The following NBPF11 variants were observed in gnomAD, a reference collection of about 807,000 sequenced individuals.
The protein encoded by NBPF11 is NBPF family member NBPF11.
NBPF11 carries 72 observed loss-of-function variants against 93.9 expected under a neutral mutation model. The ratio of observed to expected loss-of-function variants is 0.77; its 90% confidence interval spans 0.63 to 0.93. NBPF11 has a LOEUF of 0.93. NBPF11 is among the 40% of genes least tolerant of loss of function. The probability of loss-of-function intolerance (pLI) is 0.00; values close to 1 mark genes in which losing one functional copy is unlikely to be tolerated. For missense variants in NBPF11, 705 were observed against 802.2 expected, an observed-to-expected ratio of 0.88 and a Z score of 1.46; for synonymous variants, 224 against 304.9, an observed-to-expected ratio of 0.73 and a Z score of 2.76.
intron 1 of NBPF11, chr1:148,149,087 C>T (rs1361655008): frequency 2.2e-6 from 3 of 1,355,686 alleles, no homozygotes; most frequent in Admixed American, 4.3e-5. Flanking sequence ...CGGAGCTGGG[C>T]CCGGGGACGC....
chr1:148,119,714 G>T (rs1330815400), intron 10 of NBPF11, among the ~76,000 whole-genome samples: 1 of 151,796 alleles, frequency 6.6e-6, no homozygotes, highest in South Asian at 2.1e-4. Context: ...GGAGTGCAAC[G>T]GCAAAATCTT....
chr1:148,103,668 C>A lies in NBPF11; in HGVS notation c.*228G>T. On this transcript the variant is annotated 3_prime_UTR_variant, in exon 24 of 24. Coordinates refer to ENST00000682118, the MANE Select transcript of NBPF11 (RefSeq NM_001385469.3). ...ACACCTCTCGGCTTAGTAAGGGCTG[C>A]TTATTGTGGGAATATGACTCCCATC... 1.2e-6 allele frequency: 2 copies of A among 1,611,184 alleles called. No homozygotes were observed. The highest frequency in any genetic ancestry group is 1.7e-6 in the Non-Finnish European group (2 of 1,179,258).
intron 1 of NBPF11, among the ~76,000 whole-genome samples, chr1:148,147,331 C>T (rs1339696031): frequency 0.012 from 1,892 of 152,114 alleles, 65 homozygotes; most frequent in African/African-American, 0.044. Context: ...CATCCAGGTC[C>T]GGAGGACTGG....
intron 1 of NBPF11, among the ~76,000 whole-genome samples, chr1:148,145,807 G>A (rs1672902757): frequency 6.6e-6 from 1 of 150,986 alleles, no homozygotes; most frequent in Non-Finnish European, 1.5e-5. Context: ...TGAGCCTTGG[G>A]AGGTCGAGGT....
At chr1:148,107,575 A>T (rs1664027497) in intron 19 of NBPF11, 136 bp downstream of exon 19, 1 of 1,080,578 alleles carries the variant, frequency 9.3e-7, no homozygotes, top group South Asian at 1.2e-5. Flanking sequence ...TACTGCAATG[A>T]AAACCAACAG....
intron 8 of NBPF11, 141 bp from the exon 9 acceptor site, chr1:148,122,407 G>T (rs1402997755): frequency 6.4e-6 from 9 of 1,404,918 alleles, no homozygotes; most frequent in African/African-American, 1.4e-5. Flanking sequence ...AGAGGGAACA[G>T]GCAATCCTCT....
chr1:148,111,985 C>G (rs1665394216), intron 15 of NBPF11, among the ~76,000 whole-genome samples: 1 of 149,922 alleles, frequency 6.7e-6, no homozygotes, highest in Non-Finnish European at 1.5e-5. Flanking sequence ...GGAAAAAATG[C>G]TAAGGGCAGC....
In NBPF11 at chr1:148,121,083, C is replaced by T. The variant is rs1344153367; in HGVS notation, c.779-373G>A. Among the ~76,000 whole-genome samples the T allele has an allele frequency of 3.0e-3, 458 of 151,842 alleles. 1 individual carries two copies. Among genetic ancestry groups the T allele is most frequent in the Non-Finnish European group, 5.2e-3 (357 of 68,014 alleles). On this transcript the variant is annotated intron_variant, in intron 9 of 23. Coordinates refer to ENST00000682118, the MANE Select transcript of NBPF11 (RefSeq NM_001385469.3). ...TGTTTGAGACGGAGTCTCACTCTGT[C>T]GCGCAGGCTGCAGTGCAGAGGCACA...
chr1:148,134,181 T>C (rs1354616619), intron 4 of NBPF11, among the ~76,000 whole-genome samples: 2 of 151,516 alleles, frequency 1.3e-5, no homozygotes, highest in Non-Finnish European at 2.9e-5. Context: ...GTGAGGAGAA[T>C]GCCTCTGGGT....
intron 1 of NBPF11, among the ~76,000 whole-genome samples, chr1:148,147,175 G>A (rs1305732172): frequency 6.6e-6 from 1 of 152,166 alleles, no homozygotes; most frequent in Admixed American, 6.5e-5. Flanking sequence ...CCCCTGGCCT[G>A]AGGATGGGAA....
At chr1:148,127,856 C>G (rs1225758605) in intron 4 of NBPF11, among the ~76,000 whole-genome samples, 1 of 151,482 alleles carries the variant, frequency 6.6e-6, no homozygotes, top group Non-Finnish European at 1.5e-5. Flanking sequence ...CGGGGTTTCA[C>G]TGTGTTAGCC....
rs1293094750 is a variant in NBPF11 at position 148,109,351 on chromosome 1, G to C, written c.1802-16C>G. ...CACCGATGTCCTGCAAATAAATTCA[G>C]ATGGGGCCTCTTACATTAAGCAGTT... On this transcript the variant is annotated splice_polypyrimidine_tract_variant and intron_variant, in intron 16 of 23. Transcript: ENST00000682118. 1.9e-6 allele frequency: 2 copies of C among 1,041,298 alleles called. No homozygotes were observed. The highest frequency in any genetic ancestry group is 3.4e-5 in the Admixed American group (2 of 59,330). The allele number at this position is 1,041,298 out of a possible 1,614,324, so 64.5% of individuals were successfully genotyped here. A position where few individuals can be genotyped will look rare whatever the true frequency, so the allele number is the denominator to read the frequency against.
chr1:148,103,812 A>G lies in NBPF11; in HGVS notation c.*84T>C. 6 of 1,611,844 alleles carry G rather than the reference A, an allele frequency of 3.7e-6. No individual in the cohort carries two copies. The highest frequency in any genetic ancestry group is 5.1e-6 in the Non-Finnish European group (6 of 1,179,448). On this transcript the variant is annotated 3_prime_UTR_variant, in exon 24 of 24. Transcript: ENST00000682118. ...AACACACTTCTGTAGTGCTGGAATG[A>G]GTCAGGTAGTTCAAAGTACATTGAT...
At chr1:148,127,270 C>T in intron 4 of NBPF11, 3 of 170,928 alleles carry the variant, frequency 1.8e-5, no homozygotes, top group South Asian at 1.2e-4. Flanking sequence ...AGATTGTGGC[C>T]AGCGTGCCAG....
chr1:148,105,794 C>T (rs1327273045), intron 21 of NBPF11, among the ~76,000 whole-genome samples: 10 of 112,264 alleles, frequency 8.9e-5, no homozygotes, highest in South Asian at 3.1e-4. Flanking sequence ...AGAGAGAAAA[C>T]GAGCTCAGTG....
At chr1:148,145,297 C>T (rs1432853508) in intron 1 of NBPF11, among the ~76,000 whole-genome samples, 3 of 143,542 alleles carry the variant, frequency 2.1e-5, no homozygotes, top group Non-Finnish European at 4.5e-5. Flanking sequence ...CTGCAACCTC[C>T]GCCTCCTGGG....
In NBPF11 at chr1:148,124,882, C is replaced by T. The variant is rs201605735; in HGVS notation, c.278+17G>A. 1.1e-3 allele frequency: 1,815 copies of T among 1,607,752 alleles called. 26 individuals are homozygous for T. In the South Asian group the frequency reaches 0.018, roughly 16 times the overall value. On this transcript the variant is annotated intron_variant, in intron 6 of 23. Transcript: ENST00000682118. ...TACACACCTACCTGCCTGTCTCCCC[C>T]TACGGGGTCCCCTCACCTGAGCTCC...
intron 5 of NBPF11, among the ~76,000 whole-genome samples, chr1:148,126,003 T>G (rs1355539284): frequency 3.9e-5 from 6 of 151,900 alleles, no homozygotes; most frequent in African/African-American, 1.5e-4. Context: ...TTATTTATCT[T>G]TTTGTTTGTT....
At chr1:148,108,319 G>C (rs1664287202) in intron 18 of NBPF11, among the ~76,000 whole-genome samples, 163 bp downstream of exon 18, 1 of 151,170 alleles carries the variant, frequency 6.6e-6, no homozygotes, top group Non-Finnish European at 1.5e-5. Context: ...TCCCTTGTCT[G>C]GGCTTCCAAG....
Sources: gnomAD v4.1 joint callset for allele counts (sites outside exome capture counted in the v4.1 genomes callset) on GRCh38, gnomAD v4.1.1 for gene constraint, MANE v1.5 for transcripts, NCBI Gene and HGNC (gene_info 2026-07-23, HGNC 2026-07-21) for gene names.